LMCD1: variants seen among roughly 807,000 people sequenced by gnomAD.
LMCD1 encodes LIM and cysteine rich domains 1, also known as LIM and cysteine-rich domains protein 1.
In LMCD1, 32 loss-of-function variants were observed where a neutral mutation model predicts 42.7. The ratio of observed to expected loss-of-function variants is 0.75; its 90% CI spans 0.57 to 1.01. LMCD1 has a LOEUF of 1.01. Among genes scored for constraint, LMCD1 ranks in the 50% least tolerant of loss-of-function variants. The probability of loss-of-function intolerance (pLI) is 0.00; values close to 1 mark genes in which losing one functional copy is unlikely to be tolerated. For synonymous variants in LMCD1, 178 were observed against 184.9 expected, an observed-to-expected ratio of 0.96 and a Z score of 0.30; for missense variants, 458 against 483.1, an observed-to-expected ratio of 0.95 and a Z score of 0.49.
chr3:8,530,750 G>T (rs1694397129), intron 1 of LMCD1, among the ~76,000 whole-genome samples: 1 of 152,214 alleles, frequency 6.6e-6, no homozygotes, highest in South Asian at 2.1e-4. Context: ...AAGGTGTCAA[G>T]GGGAGGTGGA....
intron 4 of LMCD1, among the ~76,000 whole-genome samples, chr3:8,549,545 T>G (rs998788577): frequency 1.3e-5 from 2 of 152,166 alleles, no homozygotes; most frequent in Admixed American, 6.5e-5. Context: ...CAGAATGCCA[T>G]GAACTTAGTT....
intron 5 of LMCD1, 125 bp downstream of exon 5, chr3:8,565,772 G>T: frequency 1.8e-5 from 16 of 879,336 alleles, no homozygotes; most frequent in Non-Finnish European, 2.8e-5. Context: ...CTGAAGTCAG[G>T]CCTCACTGCA....
At chr3:8,559,928 G>A (rs1343730490) in intron 4 of LMCD1, among the ~76,000 whole-genome samples, 2 of 152,258 alleles carry the variant, frequency 1.3e-5, no homozygotes, top group Non-Finnish European at 2.9e-5. Flanking sequence ...AGCCAGGGAT[G>A]CTAGGGAGAA....
chr3:8,537,045 T>A (rs959517475), intron 2 of LMCD1, 140 bp from the exon 3 acceptor site: 1 of 912,858 alleles, frequency 1.1e-6, no homozygotes, highest in Admixed American at 2.9e-5. Context: ...CCTTTTTGTC[T>A]CAGGTTACCA....
At chr3:8,537,750 T>C (rs1275609504) in intron 3 of LMCD1, among the ~76,000 whole-genome samples, 3 of 152,172 alleles carry the variant, frequency 2.0e-5, no homozygotes, top group East Asian at 1.9e-4. Context: ...AGATAGTTTA[T>C]CACTCAAAAT....
intron 1 of LMCD1, among the ~76,000 whole-genome samples, chr3:8,526,719 G>A (rs1183009991): frequency 6.6e-6 from 1 of 152,196 alleles, no homozygotes; most frequent in Non-Finnish European, 1.5e-5. Flanking sequence ...ACCACACCTT[G>A]AGAACCACTG....
chr3:8,502,506 A>C (rs546248181), intron 1 of LMCD1, among the ~76,000 whole-genome samples: 4 of 140,328 alleles, frequency 2.9e-5, no homozygotes, highest in African/African-American at 1.1e-4. Context: ...GGTTGAGAGC[A>C]TGTAATATTT....
intron 1 of LMCD1, among the ~76,000 whole-genome samples, chr3:8,504,284 G>A (rs922484104): frequency 6.6e-6 from 1 of 152,192 alleles, no homozygotes; most frequent in African/African-American, 2.4e-5. Context: ...GCAACACGCT[G>A]AAAAGCTTTT....
chr3:8,519,094 G>C (rs1370638950), intron 1 of LMCD1, among the ~76,000 whole-genome samples: 2 of 152,180 alleles, frequency 1.3e-5, no homozygotes, highest in Non-Finnish European at 2.9e-5. Context: ...ACTGGTAATA[G>C]AGCAATGAAC....
intron 4 of LMCD1, among the ~76,000 whole-genome samples, chr3:8,563,599 CT>C (rs1695078188): frequency 6.6e-6 from 1 of 152,178 alleles, no homozygotes; most frequent in African/African-American, 2.4e-5. Flanking sequence ...ACATGGAGTC[CT>C]TTTGGGGGAT....
chr3:8,566,873 G>C (rs1695140715), intron 5 of LMCD1, among the ~76,000 whole-genome samples: 1 of 152,160 alleles, frequency 6.6e-6, no homozygotes, highest in Non-Finnish European at 1.5e-5. Flanking sequence ...TGAGGCACAG[G>C]GGGATTAAGT....
intron 4 of LMCD1, among the ~76,000 whole-genome samples, chr3:8,553,058 A>G (rs756259342): frequency 1.3e-5 from 2 of 152,216 alleles, no homozygotes; most frequent in Non-Finnish European, 2.9e-5. Context: ...AGAATACTGC[A>G]TAACCCTCCC....
intron 1 of LMCD1, chr3:8,515,092 G>A: frequency 2.2e-6 from 1 of 447,876 alleles, no homozygotes; most frequent in Non-Finnish European, 4.5e-6. Context: ...ATTAATGTGA[G>A]GCCAAAGCAT....
chr3:8,546,522 G>A (rs924252811), intron 3 of LMCD1, among the ~76,000 whole-genome samples: 2 of 152,276 alleles, frequency 1.3e-5, no homozygotes, highest in Non-Finnish European at 2.9e-5. Flanking sequence ...TCACACCGCC[G>A]GCATGCCTAC....
chr3:8,559,469 G>GA (rs1694987579), intron 4 of LMCD1, among the ~76,000 whole-genome samples: 2 of 152,296 alleles, frequency 1.3e-5, no homozygotes, highest in East Asian at 1.9e-4. Context: ...TTCAACAGGT[G>GA]AAAAAACAGA....
At chr3:8,530,594 A>G (rs1415503967) in intron 1 of LMCD1, among the ~76,000 whole-genome samples, 3 of 152,222 alleles carry the variant, frequency 2.0e-5, no homozygotes, top group East Asian at 3.9e-4. Context: ...GCTTCCACCT[A>G]CCTCTCCGGT....
chr3:8,548,649 C>G lies in LMCD1; in HGVS notation c.469C>G (p.Leu157Val), dbSNP rs1419732449. ...TEGAFYRRRQ[L>V]MHQLPIYDQD... ...GGGTGCCTTTTACCGCCGCCGCCAGCTCATGCACCAGCTCCCCATCTATGA... is the reference window on the plus strand; with the variant it reads ...GGGTGCCTTTTACCGCCGCCGCCAGGTCATGCACCAGCTCCCCATCTATGA... Residue 157 changes from leucine to valine, a missense_variant, in exon 4 of 6, where the codon CTC (leucine) becomes GTC (valine). Leu to Val is a conservative substitution (Grantham distance 32). Transcript: ENST00000157600. The G allele has an allele frequency of 5.6e-6, 9 of 1,614,104 alleles. No individual in the cohort carries two copies. The highest frequency in any genetic ancestry group is 6.8e-6 in the Non-Finnish European group (8 of 1,180,058).
At chr3:8,536,290 A>G (rs1045508388) in intron 2 of LMCD1, among the ~76,000 whole-genome samples, 11 of 152,228 alleles carry the variant, frequency 7.2e-5, no homozygotes, top group Admixed American at 2.6e-4. Context: ...CAGGCCGGAA[A>G]GGGAGGGGAG....
intron 4 of LMCD1, among the ~76,000 whole-genome samples, chr3:8,555,072 G>A (rs375695063): frequency 2.0e-5 from 3 of 152,010 alleles, no homozygotes; most frequent in Non-Finnish European, 4.4e-5. Context: ...TCATAAAAAC[G>A]CGTGAATATG....
Sources: gnomAD v4.1 joint callset for allele counts (sites outside exome capture counted in the v4.1 genomes callset) on GRCh38, gnomAD v4.1.1 for gene constraint, MANE v1.5 for transcripts, NCBI Gene and HGNC (gene_info 2026-07-23, HGNC 2026-07-21) for gene names.